Variants in DIAPH2 observed in about 807,000 individuals in gnomAD.
DIAPH2 encodes the protein protein diaphanous homolog 2.
DIAPH2 carries 35 observed loss-of-function variants against 92.7 expected under a neutral mutation model. The observed-to-expected ratio is 0.38, with a 90% CI of 0.29 to 0.50. DIAPH2 has a LOEUF of 0.50. DIAPH2 is among the 20% of genes least tolerant of loss of function. DIAPH2 has a pLI of 0.94. For synonymous variants in DIAPH2, 301 were observed against 280.4 expected (o/e 1.07, Z -0.73); for missense variants, 701 against 819.5 (o/e 0.86, Z 1.77).
intron 22 of DIAPH2, among the ~76,000 whole-genome samples, chrX:97,243,899 A>G (rs1253744746): frequency 8.9e-6 from 1 of 112,121 alleles, no homozygotes; most frequent in Non-Finnish European, 1.9e-5. Context: ...TGAAATGTAC[A>G]TATTCATCAA....
At position 96,684,889 on chromosome X, in the gene DIAPH2, TG is replaced by T; in HGVS notation, c.-167del. The T allele has an allele frequency of 1.8e-6, 1 of 553,476 alleles. No individual in the cohort carries two copies. 45.6% of individuals were successfully genotyped at this position (553,476 alleles called of 1,213,427 possible). A position where few individuals can be genotyped will look rare whatever the true frequency, so the allele number is the denominator to read the frequency against. ...ACGGCGTGGTTGCGTCGGGGGTGCC[TG>T]GGAGCCTGGAGTCCCGGGGGCCTGA... is the stretch of plus-strand genomic sequence containing the variant. On this transcript the variant is annotated 5_prime_UTR_variant, in exon 1 of 27. Coordinates refer to ENST00000324765, the MANE Select transcript of DIAPH2 (RefSeq NM_006729.5).
chrX:96,759,887 TC>T (rs1379783366), intron 4 of DIAPH2, among the ~76,000 whole-genome samples: 2 of 111,862 alleles, frequency 1.8e-5, no homozygotes, highest in Non-Finnish European at 3.8e-5. Context: ...AATGCACACT[TC>T]AAGTTATATA....
intron 4 of DIAPH2, among the ~76,000 whole-genome samples, chrX:96,774,144 G>C (rs2064359553): frequency 8.9e-6 from 1 of 111,780 alleles, no homozygotes; most frequent in South Asian, 3.8e-4. Flanking sequence ...GGAAAGTGTG[G>C]CTTAGAAAAG....
chrX:97,293,239 C>CTT (rs2068610122), intron 23 of DIAPH2, among the ~76,000 whole-genome samples: 1 of 70,949 alleles, frequency 1.4e-5, no homozygotes. Context: ...GTTGATATTT[C>CTT]TTTCTTTTTT....
At chrX:97,284,270 A>G in intron 23 of DIAPH2, among the ~76,000 whole-genome samples, 1 of 112,156 alleles carries the variant, frequency 8.9e-6, no homozygotes, top group Admixed American at 9.5e-5. Context: ...TGTGATGTTC[A>G]TAAGGACATC....
chrX:97,603,715 A>C lies in DIAPH2; in HGVS notation c.*4398A>C, dbSNP rs1362423134. 1 of 112,512 alleles carries C rather than the reference A, an allele frequency of 8.9e-6. No individual in the cohort carries two copies. Among genetic ancestry groups the C allele is most frequent in the Non-Finnish European group, 1.9e-5 (1 of 53,354 alleles). 9.3% of individuals were successfully genotyped at this position (112,512 alleles called of 1,213,427 possible). ...CACACTACTGTAGTAGACAATTTAG[A>C]TAGATAAACTTTTTGCCACTATATG... is the stretch of plus-strand genomic sequence containing the variant. On this transcript the variant is annotated 3_prime_UTR_variant, in exon 27 of 27. Transcript: ENST00000324765.
intron 1 of DIAPH2, among the ~76,000 whole-genome samples, chrX:96,734,579 A>T (rs1044030840): frequency 9.0e-6 from 1 of 111,643 alleles, no homozygotes; most frequent in African/African-American, 3.2e-5. Flanking sequence ...CTTTTTTCCT[A>T]GGCAGTAAAG....
intron 4 of DIAPH2, among the ~76,000 whole-genome samples, chrX:96,792,197 A>T (rs768543808): frequency 8.9e-6 from 1 of 111,857 alleles, no homozygotes; most frequent in East Asian, 2.8e-4. Flanking sequence ...TTGTTTTATG[A>T]TATTTACAGA....
intron 3 of DIAPH2, among the ~76,000 whole-genome samples, chrX:96,751,654 T>G (rs1286269317): frequency 5.6e-5 from 4 of 71,556 alleles, no homozygotes; most frequent in Admixed American, 1.6e-4. Flanking sequence ...AGTGTTTTGT[T>G]TTTTTTTTTT....
At chrX:96,812,771 G>T (rs745488788) in intron 4 of DIAPH2, among the ~76,000 whole-genome samples, 35 of 111,666 alleles carry the variant, frequency 3.1e-4, no homozygotes, top group African/African-American at 1.1e-3. Context: ...CCTTCATTTT[G>T]TTATGTACCC....
Position 97,234,263 on chromosome X carries a change from G to A in DIAPH2, c.2720-13452G>A, listed in dbSNP as rs186528455. Among the ~76,000 whole-genome samples the A allele has an allele frequency of 6.6e-3, 704 of 106,310 alleles. 8 individuals are homozygous for A. The highest frequency in any genetic ancestry group is 0.023 in the African/African-American group (655 of 29,026). The allele number at this position is 106,310 out of a possible 115,157, so 92.3% of individuals were successfully genotyped here. A position where few individuals can be genotyped will look rare whatever the true frequency, so the allele number is the denominator to read the frequency against. On this transcript the variant is annotated intron_variant, in intron 22 of 26. Coordinates refer to ENST00000324765, the MANE Select transcript of DIAPH2 (RefSeq NM_006729.5). ...GGAGAATCGTTTGAACCTGGGAGGC[G>A]GAGGTTGTGTTGAGCCGAGATCTCG...
At chrX:97,192,965 T>C (rs1316715537) in intron 22 of DIAPH2, among the ~76,000 whole-genome samples, 1 of 109,775 alleles carries the variant, frequency 9.1e-6, no homozygotes, top group African/African-American at 3.3e-5. Context: ...AAATTCCCTC[T>C]CTTTTTCCTA....
chrX:96,815,704 C>T (rs768897884), intron 4 of DIAPH2, among the ~76,000 whole-genome samples: 31 of 111,256 alleles, frequency 2.8e-4, no homozygotes, highest in Admixed American at 9.5e-4. Flanking sequence ...GTCTCTCTGT[C>T]GCCAGGCTGG....
At position 97,111,665 on chromosome X, in the gene DIAPH2, T is replaced by TA. The variant is rs776340569; in HGVS notation, c.2350-3060dup. Among the ~76,000 whole-genome samples, 15 of 111,731 alleles carry TA rather than the reference T, an allele frequency of 1.3e-4. No individual in the cohort carries two copies. The South Asian group carries it at 4.6e-3, about 34-fold the overall frequency. ...ACATGCTACCTCATTACCTGTTTCT[T>TA]ACACCATTTTGCTAACTTCCTGATG... On this transcript the variant is annotated intron_variant, in intron 20 of 26. Coordinates refer to ENST00000324765, the MANE Select transcript of DIAPH2 (RefSeq NM_006729.5).
chrX:97,236,081 A>G (rs756616559), intron 22 of DIAPH2, among the ~76,000 whole-genome samples: 13 of 111,662 alleles, frequency 1.2e-4, no homozygotes, highest in African/African-American at 4.2e-4. Flanking sequence ...AATCCAGGCA[A>G]CACTAATGTG....
Position 96,945,557 on chromosome X carries a change from A to G in DIAPH2, c.1475A>G (p.Glu492Gly). 2 of 1,159,298 alleles carry G rather than the reference A, an allele frequency of 1.7e-6. No individual in the cohort carries two copies. The highest frequency in any genetic ancestry group is 2.3e-6 in the Non-Finnish European group (2 of 876,254). Reference sequence around the variant, plus strand: ...TGTGTGAACAAGGCGAAAGTTGAAGAAAGTGAACAAAAAGCTGCAGAGTTT... The same window carrying G: ...TGTGTGAACAAGGCGAAAGTTGAAGGAAGTGAACAAAAAGCTGCAGAGTTT... ...DSCVNKAKVE[E>G]SEQKAAEFSK... Residue 492 changes from glutamate (E) to glycine (G), a missense_variant, in exon 14 of 27, where the codon GAA becomes GGA. Glu to Gly is a moderately conservative substitution (Grantham distance 98). Coordinates refer to ENST00000324765, the MANE Select transcript of DIAPH2 (RefSeq NM_006729.5).
intron 4 of DIAPH2, among the ~76,000 whole-genome samples, chrX:96,862,951 T>C (rs1425679994): frequency 9.0e-6 from 1 of 111,127 alleles, no homozygotes; most frequent in Non-Finnish European, 1.9e-5. Context: ...GAAATATATA[T>C]GAGAAACGCT....
chrX:97,396,536 G>A (rs181468437), intron 25 of DIAPH2, among the ~76,000 whole-genome samples: 1 of 111,045 alleles, frequency 9.0e-6, no homozygotes, highest in African/African-American at 3.3e-5. Context: ...GCTGGGTATG[G>A]TGGCGGATGC....
chrX:97,012,683 CATTTA>C (rs921184746), intron 17 of DIAPH2, among the ~76,000 whole-genome samples: 1 of 111,894 alleles, frequency 8.9e-6, no homozygotes, highest in African/African-American at 3.3e-5. Context: ...TACCTCTGTG[CATTTA>C]ATAGTAAACA....
Sources: allele counts gnomAD v4.1 joint callset (sites outside exome capture counted in the v4.1 genomes callset), GRCh38; gene constraint gnomAD v4.1.1; transcripts MANE v1.5; gene names NCBI Gene and HGNC (gene_info 2026-07-23, HGNC 2026-07-21).